Variants in CDH12 observed in about 807,000 individuals in gnomAD.
CDH12 encodes the protein cadherin-12.
A neutral mutation model predicts 74.1 loss-of-function variants in CDH12; 41 were observed. That is an observed-to-expected ratio of 0.55 (90% confidence interval 0.43 to 0.72). CDH12 has a LOEUF of 0.72. CDH12 is among the 30% of genes least tolerant of loss of function. The pLI, the probability that CDH12 is intolerant of heterozygous loss-of-function variation, is 0.00. For synonymous variants in CDH12, 399 were observed against 355.0 expected (o/e 1.12, Z -1.39); for missense variants, 945 against 977.2 (o/e 0.97, Z 0.44).
chr5:22,792,632 T>C (rs749623971), intron 1 of CDH12, among the ~76,000 whole-genome samples: 1 of 152,182 alleles, frequency 6.6e-6, no homozygotes, highest in Non-Finnish European at 1.5e-5. Context: ...CAAAGCCAGA[T>C]AAAATCTGGG....
rs550063037 is a variant in CDH12 at position 22,037,615 on chromosome 5, T to G, written c.231+40831A>C. On this transcript the variant is annotated intron_variant, in intron 5 of 14. Transcript: ENST00000382254. The stretch of plus-strand genomic sequence containing the variant: ...TTGCACTGTTTTAAACCACAGAATT[T>G]GTAGTAATTTTTTACAGCAGCTATA... 2.5e-4 allele frequency among the ~76,000 whole-genome samples: 38 copies of G among 152,232 alleles called. No individual in the cohort carries two copies. The South Asian group carries it at 4.1e-3, about 17-fold the overall frequency.
At chr5:22,813,293 G>A (rs1456513216) in intron 1 of CDH12, among the ~76,000 whole-genome samples, 3 of 152,130 alleles carry the variant, frequency 2.0e-5, no homozygotes, top group Non-Finnish European at 4.4e-5. Context: ...TTATGGCCAC[G>A]AGGTGAAGTG....
chr5:22,070,815 A>ATGTCC (rs1167591249), intron 5 of CDH12, among the ~76,000 whole-genome samples: 1 of 152,238 alleles, frequency 6.6e-6, no homozygotes, highest in East Asian at 1.9e-4. Flanking sequence ...AAACAAGATC[A>ATGTCC]TGTCCTTTGC....
chr5:22,091,073 T>C (rs1490959019), intron 4 of CDH12, among the ~76,000 whole-genome samples: 2 of 151,740 alleles, frequency 1.3e-5, no homozygotes, highest in Admixed American at 6.6e-5. Context: ...ATGGAGGTTT[T>C]ATTAGGCAAA....
At chr5:21,929,629 CA>C (rs1484078687) in intron 6 of CDH12, among the ~76,000 whole-genome samples, 1 of 152,040 alleles carries the variant, frequency 6.6e-6, no homozygotes, top group Non-Finnish European at 1.5e-5. Context: ...GTGATCCTCT[CA>C]CCTCAGCCTC....
rs116327677 is a variant in CDH12, at chr5:21,811,573, G to T, written c.1002+5372C>A. Among the ~76,000 whole-genome samples the T allele has an allele frequency of 5.3e-3, 801 of 152,038 alleles. 5 individuals carry two copies. The highest frequency in any genetic ancestry group is 0.018 in the African/African-American group (745 of 41,528). Reference sequence around the variant, plus strand: ...GGTTTTCACTAAGAATGAAGCCATTGAATTTTAAAACTCTTATTCTGTCAT... The same window carrying T: ...GGTTTTCACTAAGAATGAAGCCATTTAATTTTAAAACTCTTATTCTGTCAT... On this transcript the variant is annotated intron_variant, in intron 9 of 14. Transcript: ENST00000382254.
chr5:22,793,187 C>T (rs1353786742), intron 1 of CDH12, among the ~76,000 whole-genome samples: 2 of 152,208 alleles, frequency 1.3e-5, no homozygotes, highest in African/African-American at 4.8e-5. Context: ...CTCTCCAACA[C>T]ACGCTATTCC....
chr5:21,853,617 C>T lies in CDH12; in HGVS notation c.646+1054G>A, dbSNP rs28563769. ...CTTAAGTTTCCAGGCAACATTAATA[C>T]ATAATTAATTGTTAATTAACTTATA... On this transcript the variant is annotated intron_variant, in intron 7 of 14. Transcript: ENST00000382254. Among the ~76,000 whole-genome samples the T allele has an allele frequency of 4.0e-3, 606 of 151,640 alleles. 4 individuals carry two copies. The highest frequency in any genetic ancestry group is 0.014 in the African/African-American group (585 of 41,424).
chr5:21,886,948 A>C (rs9292999), intron 6 of CDH12, among the ~76,000 whole-genome samples: 145,597 of 152,140 alleles, frequency 0.96, 70,013 homozygotes, highest in Non-Finnish European at 1. Flanking sequence ...AGTCATGGAG[A>C]CAATAGTCTC....
chr5:22,513,089 A>G (rs886606402), intron 1 of CDH12, among the ~76,000 whole-genome samples: 2 of 152,214 alleles, frequency 1.3e-5, no homozygotes, highest in Non-Finnish European at 2.9e-5. Context: ...TTTATTTAAA[A>G]AACACCATGT....
At chr5:22,828,120 A>ATGT (rs1736424127) in intron 1 of CDH12, among the ~76,000 whole-genome samples, 1 of 152,146 alleles carries the variant, frequency 6.6e-6, no homozygotes, top group Non-Finnish European at 1.5e-5. Context: ...GCATATGAAA[A>ATGT]GGGCAAATAA....
At chr5:22,282,368 G>T (rs1736926079) in intron 3 of CDH12, among the ~76,000 whole-genome samples, 1 of 151,968 alleles carries the variant, frequency 6.6e-6, no homozygotes, top group African/African-American at 2.4e-5. Context: ...CAAAAGCAAT[G>T]GCAATAAAAG....
At chr5:22,225,588 CT>C (rs2150371530) in intron 3 of CDH12, among the ~76,000 whole-genome samples, 1 of 152,120 alleles carries the variant, frequency 6.6e-6, no homozygotes, top group Admixed American at 6.6e-5. Context: ...AATGGATAAC[CT>C]TTTCTTTCTC....
At chr5:22,333,044 T>C (rs1739413575) in intron 3 of CDH12, among the ~76,000 whole-genome samples, 1 of 152,014 alleles carries the variant, frequency 6.6e-6, no homozygotes, top group South Asian at 2.1e-4. Flanking sequence ...CTATTTACAA[T>C]AACAAATACA....
chr5:21,806,912 C>T (rs919747787), intron 9 of CDH12, among the ~76,000 whole-genome samples: 14 of 152,148 alleles, frequency 9.2e-5, no homozygotes, highest in Admixed American at 7.2e-4. Flanking sequence ...TGATGCCCTC[C>T]TTGGTCCTGG....
intron 3 of CDH12, among the ~76,000 whole-genome samples, chr5:22,311,006 A>C (rs1738364605): frequency 6.6e-6 from 1 of 152,198 alleles, no homozygotes; most frequent in Admixed American, 6.5e-5. Flanking sequence ...ATAGCTGGTA[A>C]TACCTTTACT....
chr5:21,987,801 C>T (rs554134535), intron 5 of CDH12, among the ~76,000 whole-genome samples: 13 of 152,232 alleles, frequency 8.5e-5, no homozygotes, highest in African/African-American at 3.1e-4. Flanking sequence ...AAAGCATCTG[C>T]AGTTTCTGAA....
chr5:22,575,563 T>TTTCA (rs1554050965), intron 1 of CDH12, among the ~76,000 whole-genome samples: 5 of 151,990 alleles, frequency 3.3e-5, no homozygotes, highest in African/African-American at 1.2e-4. Context: ...TGGCTAGTTC[T>TTTCA]TTTATTTATT....
chr5:22,072,175 A>G (rs1198367674), intron 5 of CDH12, among the ~76,000 whole-genome samples: 1 of 152,054 alleles, frequency 6.6e-6, no homozygotes, highest in Non-Finnish European at 1.5e-5. Flanking sequence ...TTGCAATTCC[A>G]TTAATATTAA....
Sources: allele counts gnomAD v4.1 joint callset (sites outside exome capture counted in the v4.1 genomes callset), GRCh38; gene constraint gnomAD v4.1.1; transcripts MANE v1.5; gene names NCBI Gene and HGNC (gene_info 2026-07-23, HGNC 2026-07-21).